Variants in CRYBG1 observed in about 807,000 individuals in gnomAD.
CRYBG1 encodes crystallin beta-gamma domain containing 1.
In CRYBG1, 139 loss-of-function variants were observed where a neutral mutation model predicts 189.2. The ratio of observed to expected loss-of-function variants is 0.73; its 90% CI spans 0.64 to 0.85. The LOEUF is 0.85. CRYBG1 is among the 40% of genes least tolerant of loss of function. The probability of loss-of-function intolerance (pLI) is 0.00; values close to 1 mark genes in which losing one functional copy is unlikely to be tolerated. For synonymous variants in CRYBG1, 1,023 were observed against 1,017.1 expected (o/e 1.01, Z -0.11); for missense variants, 2,611 against 2,675.8 (o/e 0.98, Z 0.53).
rs1204971670 is a variant in CRYBG1, at chr6:106,512,339, G to T, written c.1222G>T (p.Asp408Tyr). The change falls in exon 3 of 22, where the codon GAC (aspartate) becomes TAC (tyrosine). Residue 408 changes from aspartate (D) to tyrosine (Y), a missense_variant. This residue lies in a region of CRYBG1 where 985 missense variants were observed against 924.4 expected (regional missense o/e 1.07). Coordinates refer to ENST00000633556, the MANE Select transcript of CRYBG1 (RefSeq NM_001371242.2). ...PRAEDCGDWD[D>Y]MEKRSSGRRS... ...AGCGGAAGATTGCGGTGACTGGGAC[G>T]ACATGGAGAAGAGGTCCAGCGGCCG... 2.5e-6 allele frequency: 4 copies of T among 1,610,558 alleles called. No individual in the cohort carries two copies. The highest frequency in any genetic ancestry group is 8.5e-7 in the Non-Finnish European group (1 of 1,179,260).
chr6:106,383,797 T>A (rs1461321443), intron 1 of CRYBG1, among the ~76,000 whole-genome samples: 1 of 152,238 alleles, frequency 6.6e-6, no homozygotes, highest in Non-Finnish European at 1.5e-5. Flanking sequence ...GTTTTTCATA[T>A]GCAATCTCCT....
intron 2 of CRYBG1, among the ~76,000 whole-genome samples, chr6:106,507,125 C>G (rs1773147580): frequency 6.6e-6 from 1 of 152,178 alleles, no homozygotes; most frequent in Admixed American, 6.5e-5. Context: ...CTAGTGCTGC[C>G]TGGGCCTCTA....
chr6:106,428,290 A>C (rs571026637), intron 1 of CRYBG1, among the ~76,000 whole-genome samples: 1 of 152,336 alleles, frequency 6.6e-6, no homozygotes, highest in African/African-American at 2.4e-5. Context: ...GAAATTGGTC[A>C]GACATTAAAA....
intron 1 of CRYBG1, among the ~76,000 whole-genome samples, chr6:106,385,187 T>C (rs13209868): frequency 0.12 from 18,129 of 152,112 alleles, 1,201 homozygotes; most frequent in African/African-American, 0.16. Context: ...TGGCCAGTGA[T>C]CTACCTTTAG....
intron 14 of CRYBG1, 63 bp downstream of exon 14, chr6:106,552,041 T>C: frequency 6.7e-7 from 1 of 1,490,942 alleles, no homozygotes; most frequent in Non-Finnish European, 9.2e-7. Context: ...TAATGTGTGT[T>C]CCTGGTTCAT....
In CRYBG1 at chr6:106,543,745, G is replaced by T. The variant is rs541984538; in HGVS notation, c.5039+148G>T. On this transcript the variant is annotated intron_variant, in intron 11 of 21. Transcript: ENST00000633556. The stretch of plus-strand genomic sequence containing the variant: ...ATCCACATTCTCCTCAGCCTATAGT[G>T]ACTGGATTTAAGAAAGCAGTTTGAG... The T allele has an allele frequency of 8.5e-5, 81 of 955,012 alleles. No individual in the cohort carries two copies. In the South Asian group the frequency reaches 1.4e-3, roughly 16 times the overall value. The allele number at this position is 955,012 out of a possible 1,614,324, so 59.2% of individuals were successfully genotyped here. A position where few individuals can be genotyped will look rare whatever the true frequency, so the allele number is the denominator to read the frequency against.
At position 106,512,359 on chromosome 6, in the gene CRYBG1, C is replaced by T. The variant is rs1183310220; in HGVS notation, c.1242C>T (p.Ser414=). 2 of 1,611,122 alleles carry T rather than the reference C, an allele frequency of 1.2e-6. No individual in the cohort carries two copies. Among genetic ancestry groups the T allele is most frequent in the African/African-American group, 2.7e-5 (2 of 74,916 alleles). The change falls in exon 3 of 22, where the codon AGC becomes AGT. Residue 414 remains serine, a synonymous_variant. Coordinates refer to ENST00000633556, the MANE Select transcript of CRYBG1 (RefSeq NM_001371242.2). ...GGGACGACATGGAGAAGAGGTCCAG[C>T]GGCCGTAGGTCGGGGAGGCGGAGGG... is the stretch of plus-strand genomic sequence containing the variant. ...GDWDDMEKRS[S]GRRSGRRRGS... is the part of the protein sequence containing the mutation.
chr6:106,432,283 G>C (rs1185919494), intron 1 of CRYBG1, among the ~76,000 whole-genome samples: 1 of 152,140 alleles, frequency 6.6e-6, no homozygotes, highest in Non-Finnish European at 1.5e-5. Flanking sequence ...ATTTTCAATG[G>C]AAGGAGGTCC....
intron 1 of CRYBG1, among the ~76,000 whole-genome samples, chr6:106,391,626 C>A (rs79445324): frequency 0.01 from 1,529 of 151,840 alleles, 27 homozygotes; most frequent in African/African-American, 0.035. Context: ...GCAAATATTC[C>A]ATTTTTGAAT....
At chr6:106,362,389 T>C (rs1771897016) in intron 1 of CRYBG1, among the ~76,000 whole-genome samples, 1 of 152,220 alleles carries the variant, frequency 6.6e-6, no homozygotes, top group Non-Finnish European at 1.5e-5. Context: ...CAGGAATAAT[T>C]GTGTCATCAA....
chr6:106,465,993 A>G (rs904847751), intron 2 of CRYBG1, among the ~76,000 whole-genome samples: 16 of 152,150 alleles, frequency 1.1e-4, no homozygotes, highest in Admixed American at 4.6e-4. Flanking sequence ...CCTTCCTTCC[A>G]GTCATTTGTA....
At chr6:106,473,640 G>C (rs1245421171) in intron 2 of CRYBG1, among the ~76,000 whole-genome samples, 4 of 152,172 alleles carry the variant, frequency 2.6e-5, no homozygotes, top group Admixed American at 2.6e-4. Context: ...CTGTGCCCCA[G>C]GGATGTTAAC....
At chr6:106,545,141 G>A (rs1428717321) in intron 13 of CRYBG1, among the ~76,000 whole-genome samples, 1 of 151,962 alleles carries the variant, frequency 6.6e-6, no homozygotes, top group Non-Finnish European at 1.5e-5. Flanking sequence ...TTTTACGTTT[G>A]GGGTAGGCTT....
At position 106,520,748 on chromosome 6, in the gene CRYBG1, C is replaced by T; in HGVS notation, c.3540C>T (p.Asn1180=). The T allele has an allele frequency of 6.2e-7, 1 of 1,614,126 alleles. No individual in the cohort carries two copies. Among genetic ancestry groups the T allele is most frequent in the Non-Finnish European group, 8.5e-7 (1 of 1,180,020 alleles). ...CACCGGCTTTACATTTGATGCAGAA[C>T]CTTGACACAAAATCCAAACTGAGAC... ...EMSPALHLMQ[N]LDTKSKLRPK... is the part of the protein sequence containing the mutation. Residue 1180 remains asparagine (N), a synonymous_variant, in exon 4 of 22, where the codon AAC becomes AAT. Coordinates refer to ENST00000633556, the MANE Select transcript of CRYBG1 (RefSeq NM_001371242.2).
At chr6:106,449,212 C>T (rs1771729299) in intron 1 of CRYBG1, among the ~76,000 whole-genome samples, 1 of 152,078 alleles carries the variant, frequency 6.6e-6, no homozygotes, top group Non-Finnish European at 1.5e-5. Context: ...TTTTGGAGTG[C>T]CCGTCTCCGA....
chr6:106,416,384 C>G (rs1771021057), intron 1 of CRYBG1, among the ~76,000 whole-genome samples: 1 of 152,216 alleles, frequency 6.6e-6, no homozygotes, highest in Non-Finnish European at 1.5e-5. Flanking sequence ...ATTCACTGTT[C>G]CCCCTATCGG....
Position 106,512,833 on chromosome 6 carries a change from G to T in CRYBG1, c.1716G>T (p.Pro572=). Residue 572 remains proline, a synonymous_variant, in exon 3 of 22, where the codon CCG becomes CCT. Coordinates refer to ENST00000633556, the MANE Select transcript of CRYBG1 (RefSeq NM_001371242.2). The part of the protein sequence containing the change: ...EAARAIPREL[P]VKSSSLLPEI... The stretch of plus-strand genomic sequence containing the variant: ...CGCGGGCCATCCCCCGCGAGCTCCC[G>T]GTCAAGAGCAGCTCGCTGCTGCCGG... 6.3e-7 allele frequency: 1 copy of T among 1,578,884 alleles called. No homozygotes were observed. Among genetic ancestry groups the T allele is most frequent in the East Asian group, 2.3e-5 (1 of 42,962 alleles).
At chr6:106,510,106 G>A (rs1773215107) in intron 2 of CRYBG1, among the ~76,000 whole-genome samples, 1 of 152,184 alleles carries the variant, frequency 6.6e-6, no homozygotes, top group Non-Finnish European at 1.5e-5. Flanking sequence ...CAGGAAAGGT[G>A]GGGCTCTTTC....
Position 106,360,943 on chromosome 6 carries a change from G to A in CRYBG1, c.35G>A (p.Gly12Glu), listed in dbSNP as rs931276581. The A allele has an allele frequency of 6.5e-7, 1 of 1,534,932 alleles. No individual in the cohort carries two copies. Among genetic ancestry groups the A allele is most frequent in the Non-Finnish European group, 8.7e-7 (1 of 1,146,424 alleles). Residue 12 changes from glycine to glutamate, a missense_variant, in exon 1 of 22, where the codon GGG becomes GAG. Transcript: ENST00000633556. ...PLSPPAQGDPGEPSPCRPPKK... is the reference protein window; with the variant it reads ...PLSPPAQGDPEEPSPCRPPKK... The stretch of plus-strand genomic sequence containing the variant: ...TCCCCGCCAGCCCAGGGCGACCCCG[G>A]GGAGCCCAGCCCGTGCAGGCCCCCT...
Sources: gnomAD v4.1 joint callset for allele counts (sites outside exome capture counted in the v4.1 genomes callset) on GRCh38, gnomAD v4.1.1 for gene constraint, gnomAD v4.1.1 regional missense constraint, MANE v1.5 for transcripts, NCBI Gene and HGNC (gene_info 2026-07-23, HGNC 2026-07-21) for gene names.